The following DLGAP2 variants were observed in gnomAD, a reference collection of about 807,000 sequenced individuals.
The protein encoded by DLGAP2 is DLG associated protein 2, also known as disks large-associated protein 2.
DLGAP2 carries 26 observed loss-of-function variants against 100.3 expected under a neutral mutation model. The ratio of observed to expected loss-of-function variants is 0.26; its 90% CI spans 0.19 to 0.36. The LOEUF (loss-of-function observed/expected upper bound fraction) is 0.36, where lower values mean the gene tolerates loss of function less well. Ranked by LOEUF, DLGAP2 falls within the 10% of genes least tolerant of loss-of-function variation. The pLI is 1.00. For synonymous variants in DLGAP2, 886 were observed against 630.1 expected, an observed-to-expected ratio of 1.41 and a Z score of -6.08; for missense variants, 1,858 against 1,453.2, an observed-to-expected ratio of 1.28 and a Z score of -4.53.
intron 3 of DLGAP2, among the ~76,000 whole-genome samples, chr8:1,419,635 G>T (rs912694077): frequency 1.8e-4 from 27 of 152,182 alleles, no homozygotes; most frequent in African/African-American, 6.3e-4. Flanking sequence ...CTAATCCCCA[G>T]GGAAGTGCAA....
intron 6 of DLGAP2, among the ~76,000 whole-genome samples, chr8:1,578,398 C>T (rs960701526): frequency 6.6e-6 from 1 of 152,174 alleles, no homozygotes; most frequent in African/African-American, 2.4e-5. Flanking sequence ...CCTTGGGAGG[C>T]TCTGGGCACC....
intron 2 of DLGAP2, among the ~76,000 whole-genome samples, chr8:1,012,692 C>G (rs547158366): frequency 1.7e-5 from 2 of 121,038 alleles, no homozygotes; most frequent in Non-Finnish European, 3.4e-5. Context: ...TCCGACCAGT[C>G]CCCCCTACTT....
intron 4 of DLGAP2, among the ~76,000 whole-genome samples, chr8:1,516,945 A>T (rs991195543): frequency 6.6e-6 from 1 of 152,222 alleles, no homozygotes; most frequent in Non-Finnish European, 1.5e-5. Context: ...TACATAAAAA[A>T]TGAAGCACCT....
At chr8:1,603,090 G>T (rs1225683723) in intron 6 of DLGAP2, among the ~76,000 whole-genome samples, 1 of 151,320 alleles carries the variant, frequency 6.6e-6, no homozygotes, top group Non-Finnish European at 1.5e-5. Flanking sequence ...TCTCAGTTCT[G>T]CAGAGGCTGG....
chr8:1,191,769 G>T (rs774568140), intron 2 of DLGAP2, among the ~76,000 whole-genome samples: 1 of 151,988 alleles, frequency 6.6e-6, no homozygotes, highest in Non-Finnish European at 1.5e-5. Context: ...CTTCTTCCAG[G>T]GGTCCTTTAC....
At chr8:749,557 G>C (rs1216411024) in intron 1 of DLGAP2, among the ~76,000 whole-genome samples, 1 of 152,096 alleles carries the variant, frequency 6.6e-6, no homozygotes, top group Non-Finnish European at 1.5e-5. Context: ...TTCCCGTATG[G>C]AGTGTGATTA....
intron 2 of DLGAP2, among the ~76,000 whole-genome samples, chr8:917,435 C>T (rs949845444): frequency 1.3e-5 from 2 of 152,062 alleles, no homozygotes; most frequent in Non-Finnish European, 2.9e-5. Context: ...GTGAAGTCTC[C>T]CTATAATCCC....
chr8:1,505,674 G>A (rs533461487), intron 4 of DLGAP2, among the ~76,000 whole-genome samples: 4 of 152,236 alleles, frequency 2.6e-5, no homozygotes, highest in African/African-American at 9.6e-5. Context: ...CATTCAAAAC[G>A]AATACCTTGA....
Position 1,704,140 on chromosome 8 carries a change from A to C in DLGAP2, c.*2734A>C, listed in dbSNP as rs1025195925. The C allele has an allele frequency of 3.3e-5, 5 of 152,654 alleles. No homozygotes were observed. In the South Asian group the frequency reaches 1.0e-3, roughly 32 times the overall value. The allele number at this position is 152,654 out of a possible 1,614,324, so 9.5% of individuals were successfully genotyped here. The stretch of plus-strand genomic sequence containing the variant: ...TTAGTCACTCGAGCTAGCTTATTTC[A>C]GCCACTTCTAGCAGATCATGCCATG... On this transcript the variant is annotated 3_prime_UTR_variant, in exon 15 of 15. Coordinates refer to ENST00000637795, the MANE Select transcript of DLGAP2 (RefSeq NM_001346810.2).
chr8:1,386,505 AGTG>A (rs1201639906), intron 3 of DLGAP2, among the ~76,000 whole-genome samples: 6 of 152,204 alleles, frequency 3.9e-5, no homozygotes, highest in Non-Finnish European at 7.3e-5. Context: ...ATCCTGGAGA[AGTG>A]GTGGCTGCTC....
At chr8:948,671 C>T (rs1799395406) in intron 2 of DLGAP2, among the ~76,000 whole-genome samples, 1 of 152,240 alleles carries the variant, frequency 6.6e-6, no homozygotes, top group African/African-American at 2.4e-5. Flanking sequence ...GGAAATGCCG[C>T]GGCGCTGCCC....
chr8:1,544,285 C>G (rs1183761992), intron 4 of DLGAP2, among the ~76,000 whole-genome samples: 1 of 152,082 alleles, frequency 6.6e-6, no homozygotes, highest in African/African-American at 2.4e-5. Flanking sequence ...TTCTAATTTC[C>G]TTTTTGGGTT....
intron 3 of DLGAP2, among the ~76,000 whole-genome samples, chr8:1,374,806 C>T (rs535097365): frequency 2.8e-4 from 42 of 152,322 alleles, no homozygotes; most frequent in African/African-American, 8.9e-4. Context: ...CAGTCCGAAT[C>T]GGTCCAAGCA....
intron 6 of DLGAP2, among the ~76,000 whole-genome samples, chr8:1,591,842 C>G (rs1796300845): frequency 6.6e-6 from 1 of 152,198 alleles, no homozygotes; most frequent in African/African-American, 2.4e-5. Context: ...GAAGCCCTCG[C>G]TTGGCCTCTG....
intron 1 of DLGAP2, among the ~76,000 whole-genome samples, chr8:839,514 C>G (rs570683440): frequency 9.2e-5 from 14 of 152,302 alleles, no homozygotes; most frequent in South Asian, 2.1e-4. Flanking sequence ...TATGTGGAAT[C>G]TAAAACATTG....
At chr8:1,024,582 C>T (rs1371855369) in intron 2 of DLGAP2, among the ~76,000 whole-genome samples, 1 of 152,186 alleles carries the variant, frequency 6.6e-6, no homozygotes, top group African/African-American at 2.4e-5. Context: ...GTGGGGGTGC[C>T]TCCTTGCTTC....
chr8:843,772 G>C (rs537313146), intron 1 of DLGAP2, among the ~76,000 whole-genome samples: 1 of 152,320 alleles, frequency 6.6e-6, no homozygotes, highest in South Asian at 2.1e-4. Flanking sequence ...AGTTGTAAAG[G>C]AGGATTTAAA....
chr8:920,979 C>T (rs117898256), intron 2 of DLGAP2, among the ~76,000 whole-genome samples: 4 of 152,182 alleles, frequency 2.6e-5, no homozygotes, highest in East Asian at 1.9e-4. Context: ...ATTCATTCCC[C>T]GGGTGCTCTT....
At chr8:1,589,579 C>G (rs922280398) in intron 6 of DLGAP2, among the ~76,000 whole-genome samples, 5 of 152,180 alleles carry the variant, frequency 3.3e-5, no homozygotes, top group Admixed American at 2.0e-4. Context: ...GGACTACAGG[C>G]TTGCGCCACC....
Sources: allele counts gnomAD v4.1 joint callset (sites outside exome capture counted in the v4.1 genomes callset), GRCh38; gene constraint gnomAD v4.1.1; transcripts MANE v1.5; gene names NCBI Gene and HGNC (gene_info 2026-07-23, HGNC 2026-07-21).